Variants in ATP11A observed in about 807,000 individuals in gnomAD.
ATP11A encodes phospholipid-transporting ATPase IH.
A neutral mutation model predicts 154.4 loss-of-function variants in ATP11A; 81 were observed. That is an observed-to-expected ratio of 0.52 (90% CI 0.44 to 0.63). ATP11A has a LOEUF of 0.63. ATP11A is among the 30% of genes least tolerant of loss of function. The pLI is 0.00. For synonymous variants in ATP11A, 623 were observed against 585.9 expected, an observed-to-expected ratio of 1.06 and a Z score of -0.91; for missense variants, 1,316 against 1,474.3, an observed-to-expected ratio of 0.89 and a Z score of 1.76.
chr13:112,744,335 G>A (rs1415506290), intron 1 of ATP11A, among the ~76,000 whole-genome samples: 1 of 151,464 alleles, frequency 6.6e-6, no homozygotes, highest in East Asian at 1.9e-4. Flanking sequence ...GTGTGTTGAT[G>A]GATTTTTCTT....
intron 13 of ATP11A, 92 bp from the exon 14 acceptor site, chr13:112,832,768 A>T: frequency 6.9e-7 from 1 of 1,452,142 alleles, no homozygotes; most frequent in South Asian, 1.3e-5. Flanking sequence ...GACCCCCCCC[A>T]CCCCGCTTCT....
Position 112,690,668 on chromosome 13 carries a change from C to T in ATP11A, c.39+213C>T, listed in dbSNP as rs1304460129. Among the ~76,000 whole-genome samples, 1 of 151,976 alleles carries T rather than the reference C, an allele frequency of 6.6e-6. No homozygotes were observed. The highest frequency in any genetic ancestry group is 1.5e-5 in the Non-Finnish European group (1 of 67,942). ...CGACGGGGTCTAGGTGGGCACAGCGCGGGGCCCCAGCCCCGGGCGGCCACC... is the reference window on the plus strand; with the variant it reads ...CGACGGGGTCTAGGTGGGCACAGCGTGGGGCCCCAGCCCCGGGCGGCCACC... On this transcript the variant is annotated intron_variant, in intron 1 of 29. Transcript: ENST00000375645. The surrounding 1 kb of genome is among the most constrained non-coding windows in gnomAD (Gnocchi z 5.6).
At position 112,811,161 on chromosome 13, in the gene ATP11A, AACACACACACACACAC is replaced by A. The variant is rs10695491; in HGVS notation, c.441+465_441+480del. ...GGTGGATGTACCCACTGCCCCTTCC[AACACACACACACACAC>A]ACACACACACACACACACACACACA... On this transcript the variant is annotated intron_variant, in intron 5 of 29. Transcript: ENST00000375645. Among the ~76,000 whole-genome samples, 53 of 115,604 alleles carry A rather than the reference AACACACACACACACAC, an allele frequency of 4.6e-4. 2 individuals carry two copies. The highest frequency in any genetic ancestry group is 1.5e-3 in the African/African-American group (42 of 28,026). 75.8% of individuals were successfully genotyped at this position (115,604 alleles called of 152,430 possible).
intron 1 of ATP11A, among the ~76,000 whole-genome samples, chr13:112,778,341 C>G (rs2077397456): frequency 1.3e-5 from 2 of 152,214 alleles, no homozygotes; most frequent in Non-Finnish European, 2.9e-5. Flanking sequence ...CACTCCAGCT[C>G]CCATGCAGTT....
At chr13:112,759,160 C>T (rs1476050152) in intron 1 of ATP11A, among the ~76,000 whole-genome samples, 6 of 152,172 alleles carry the variant, frequency 3.9e-5, no homozygotes, top group African/African-American at 7.2e-5. Flanking sequence ...CAGAAACATT[C>T]GTGCCTGCAA....
intron 1 of ATP11A, among the ~76,000 whole-genome samples, chr13:112,722,404 G>T (rs1889308777): frequency 6.6e-6 from 1 of 152,124 alleles, no homozygotes; most frequent in African/African-American, 2.4e-5. Flanking sequence ...CAGTAGAAAG[G>T]AATGTCTGGG....
At chr13:112,780,950 C>T (rs998156227) in intron 1 of ATP11A, among the ~76,000 whole-genome samples, 3 of 152,132 alleles carry the variant, frequency 2.0e-5, no homozygotes, top group African/African-American at 7.2e-5. Context: ...GGGTCTCCAT[C>T]CTCCTGCCCT....
rs2079751584 is a variant in ATP11A at position 112,851,108 on chromosome 13, G to A, written c.1881G>A (p.Leu627=). Residue 627 remains leucine (L), a synonymous_variant, in exon 18 of 30, where the codon CTG becomes CTA. Coordinates refer to ENST00000375645, the MANE Select transcript of ATP11A (RefSeq NM_015205.3). Reference sequence around the variant, plus strand: ...AAGAATATGAAGGCATTTGTAAGCTGCTGCAGGCTGCCAAAGTGGCCCTTC... The same window carrying A: ...AAGAATATGAAGGCATTTGTAAGCTACTGCAGGCTGCCAAAGTGGCCCTTC... ...IQEEYEGICK[L]LQAAKVALQD... The A allele has an allele frequency of 6.2e-7, 1 of 1,614,136 alleles. No individual in the cohort carries two copies. The highest frequency in any genetic ancestry group is 8.5e-7 in the Non-Finnish European group (1 of 1,180,050).
At chr13:112,758,597 G>T (rs1241368741) in intron 1 of ATP11A, among the ~76,000 whole-genome samples, 2 of 151,520 alleles carry the variant, frequency 1.3e-5, no homozygotes, top group Admixed American at 6.6e-5. Flanking sequence ...CTAATTTTTT[G>T]TATTTTTAGT....
chr13:112,717,803 A>C (rs1329162139), intron 1 of ATP11A: 1 of 152,242 alleles, frequency 6.6e-6, no homozygotes, highest in Non-Finnish European at 1.5e-5. Context: ...GTGGCCAGGC[A>C]CGGCGGCTCA....
Position 112,859,471 on chromosome 13 carries a change from A to C in ATP11A, c.2727+19A>C. On this transcript the variant is annotated intron_variant, in intron 23 of 29. Coordinates refer to ENST00000375645, the MANE Select transcript of ATP11A (RefSeq NM_015205.3). The surrounding 1 kb of genome is among the most constrained non-coding windows in gnomAD (Gnocchi z 4.3). ...ACAACAGGTCAGTCCTAGGGTCTTC[A>C]GGGACAGGCTGTCTGAGCCTTCTTT... 1 of 1,604,268 alleles carries C rather than the reference A, an allele frequency of 6.2e-7. No individual in the cohort carries two copies. Among genetic ancestry groups the C allele is most frequent in the Non-Finnish European group, 8.5e-7 (1 of 1,171,246 alleles).
At chr13:112,721,234 T>A (rs914021) in intron 1 of ATP11A, among the ~76,000 whole-genome samples, 6 of 151,998 alleles carry the variant, frequency 3.9e-5, no homozygotes, top group Non-Finnish European at 7.4e-5. Flanking sequence ...AGGAAGTTGC[T>A]GGAACCCTCT....
intron 17 of ATP11A, among the ~76,000 whole-genome samples, chr13:112,848,935 A>C (rs2140317062): frequency 6.6e-6 from 1 of 152,252 alleles, no homozygotes; most frequent in South Asian, 2.1e-4. Flanking sequence ...TGATCTGCCC[A>C]CCTCAGCCTC....
chr13:112,724,699 A>C (rs867361695), intron 1 of ATP11A, among the ~76,000 whole-genome samples: 3 of 151,488 alleles, frequency 2.0e-5, no homozygotes, highest in South Asian at 2.1e-4. Flanking sequence ...GCCCCCCCCC[A>C]GGAAGCTGTT....
intron 24 of ATP11A, among the ~76,000 whole-genome samples, chr13:112,861,053 G>A (rs865882794): frequency 5.9e-5 from 9 of 152,174 alleles, no homozygotes; most frequent in South Asian, 2.1e-4. Flanking sequence ...CAATCATGGC[G>A]GAAGGCATGA....
chr13:112,740,154 A>ATATATATATATCTC (rs1555311741), intron 1 of ATP11A, among the ~76,000 whole-genome samples: 13 of 139,598 alleles, frequency 9.3e-5, no homozygotes, highest in African/African-American at 3.6e-4. Context: ...CTCTCTATAT[A>ATATATATATATCTC]TATATATATA....
intron 7 of ATP11A, 93 bp from the exon 8 acceptor site, chr13:112,819,806 GA>G: frequency 7.5e-7 from 1 of 1,331,630 alleles, no homozygotes; most frequent in Non-Finnish European, 1.1e-6. Context: ...GCCAGGTGAA[GA>G]CGTGTGGCTC....
chr13:112,854,654 C>A, intron 19 of ATP11A, 124 bp downstream of exon 19: 1 of 1,164,256 alleles, frequency 8.6e-7, no homozygotes. Context: ...TCCCCTGGGG[C>A]ATTAATGCCA....
intron 25 of ATP11A, 34 bp downstream of exon 25, chr13:112,862,609 G>T (rs371280370): frequency 6.2e-7 from 1 of 1,613,470 alleles, no homozygotes; most frequent in Admixed American, 1.7e-5. Flanking sequence ...TGACTTAGCT[G>T]CTTAGGAATA....
Sources: allele counts gnomAD v4.1 joint callset (sites outside exome capture counted in the v4.1 genomes callset), GRCh38; gene constraint gnomAD v4.1.1; non-coding constraint Gnocchi (gnomAD v3.1); transcripts MANE v1.5; gene names NCBI Gene and HGNC (gene_info 2026-07-23, HGNC 2026-07-21).